Variants in CYTH3 observed in about 807,000 individuals in gnomAD.
CYTH3 encodes cytohesin 3.
Under a neutral mutation model 55.1 loss-of-function variants are expected in CYTH3, and 23 were observed. The ratio of observed to expected loss-of-function variants is 0.42; its 90% CI spans 0.30 to 0.59. The LOEUF is 0.59. Among genes scored for constraint, CYTH3 ranks in the 20% least tolerant of loss-of-function variants. The pLI, the probability that CYTH3 is intolerant of heterozygous loss-of-function variation, is 0.20. For synonymous variants in CYTH3, 249 were observed against 194.9 expected (o/e 1.28, Z -2.31); for missense variants, 413 against 524.8 (o/e 0.79, Z 2.08).
Position 6,171,144 on chromosome 7 carries a change from C to G in CYTH3, c.562+58G>C, listed in dbSNP as rs1583735231. 2.5e-6 allele frequency: 4 copies of G among 1,593,910 alleles called. No homozygotes were observed. The highest frequency in any genetic ancestry group is 3.4e-6 in the Non-Finnish European group (4 of 1,162,796). ...CTGGGCTGTGCCCACAGGGGCCGCC[C>G]CCTCCAGAGCTGGAGGCTGTGCCTG... On this transcript the variant is annotated intron_variant, in intron 7 of 12. Coordinates refer to ENST00000350796, the MANE Select transcript of CYTH3 (RefSeq NM_004227.4). This position sits in a 1 kb window ranked among gnomAD's most constrained non-coding sequence, Gnocchi z 6.7.
At chr7:6,202,349 G>A (rs1784075352) in intron 1 of CYTH3, among the ~76,000 whole-genome samples, 1 of 152,200 alleles carries the variant, frequency 6.6e-6, no homozygotes, top group African/African-American at 2.4e-5. Flanking sequence ...TCAGCCCCCG[G>A]CTGGCCTTCC....
chr7:6,166,606 G>A (rs543368712), intron 9 of CYTH3, among the ~76,000 whole-genome samples: 6 of 152,300 alleles, frequency 3.9e-5, no homozygotes, highest in East Asian at 1.9e-4. Flanking sequence ...GACTGTGTGC[G>A]AAGGGCTCTG....
rs550449668 is a variant in CYTH3, at chr7:6,186,767, C to T, written c.249+283G>A. Among the ~76,000 whole-genome samples the T allele has an allele frequency of 4.6e-5, 7 of 152,308 alleles. No individual in the cohort carries two copies. The South Asian group carries it at 6.2e-4, about 14-fold the overall frequency. On this transcript the variant is annotated intron_variant, in intron 4 of 12. Coordinates refer to ENST00000350796, the MANE Select transcript of CYTH3 (RefSeq NM_004227.4). ...CAAGGGCACTGCCTGGAGCCAAGCC[C>T]GGCCTGTGCTGAGTCGTCCAAGCCG...
rs1783036576 is a variant in CYTH3 at position 6,167,250 on chromosome 7, G to A, written c.824-1440C>T. On this transcript the variant is annotated intron_variant, in intron 9 of 12. Coordinates refer to ENST00000350796, the MANE Select transcript of CYTH3 (RefSeq NM_004227.4). The surrounding 1 kb of genome is among the most constrained non-coding windows in gnomAD (Gnocchi z 5.5). ...CACCTCCACTGCAGCACACCAGGGA[G>A]GCCCAAGTCCACAGGGGAGGGCAGG... Among the ~76,000 whole-genome samples the A allele has an allele frequency of 6.6e-6, 1 of 152,160 alleles. No homozygotes were observed. The highest frequency in any genetic ancestry group is 2.1e-4 in the South Asian group (1 of 4,826).
chr7:6,272,188 C>A (rs1780680873), intron 1 of CYTH3, among the ~76,000 whole-genome samples: 1 of 152,126 alleles, frequency 6.6e-6, no homozygotes, highest in Non-Finnish European at 1.5e-5. Flanking sequence ...GACACCCAAA[C>A]CCCGGCCCGA....
chr7:6,223,542 C>T (rs190086256), intron 1 of CYTH3, among the ~76,000 whole-genome samples: 10 of 152,222 alleles, frequency 6.6e-5, no homozygotes, highest in Non-Finnish European at 1.3e-4. Flanking sequence ...CCCCCAACCC[C>T]GTGCTCTCTG....
chr7:6,267,060 T>G (rs768396781), intron 1 of CYTH3, among the ~76,000 whole-genome samples: 12 of 152,252 alleles, frequency 7.9e-5, no homozygotes, highest in Non-Finnish European at 1.5e-4. Context: ...TGAGATCTGG[T>G]CGTTTAAGGG....
intron 1 of CYTH3, among the ~76,000 whole-genome samples, chr7:6,215,461 G>A (rs569756086): frequency 6.6e-6 from 1 of 152,092 alleles, no homozygotes; most frequent in Non-Finnish European, 1.5e-5. Flanking sequence ...GTGGTGGTGG[G>A]CACCTGTAGT....
intron 1 of CYTH3, among the ~76,000 whole-genome samples, chr7:6,257,165 CT>C (rs1455423048): frequency 6.6e-6 from 1 of 152,116 alleles, no homozygotes; most frequent in Non-Finnish European, 1.5e-5. Context: ...GTGTCATGCT[CT>C]CAGAAGTGTG....
chr7:6,190,887 G>T (rs1236711285), intron 1 of CYTH3, among the ~76,000 whole-genome samples: 1 of 150,574 alleles, frequency 6.6e-6, no homozygotes, highest in Non-Finnish European at 1.5e-5. Flanking sequence ...GACCAGCCTG[G>T]CCAACACGGT....
intron 1 of CYTH3, among the ~76,000 whole-genome samples, chr7:6,253,626 G>C (rs1780028506): frequency 6.6e-6 from 1 of 151,898 alleles, no homozygotes; most frequent in Admixed American, 6.6e-5. Flanking sequence ...GACCAGCCTG[G>C]CCAATTTGAT....
chr7:6,180,135 G>T (rs1177881562), intron 4 of CYTH3, among the ~76,000 whole-genome samples: 1 of 152,174 alleles, frequency 6.6e-6, no homozygotes, highest in Non-Finnish European at 1.5e-5. Context: ...CACCCTGAGG[G>T]ATCACTAGTT....
At chr7:6,187,207 C>A in intron 3 of CYTH3, 91 bp from the exon 4 acceptor site, 1 of 1,397,656 alleles carries the variant, frequency 7.2e-7, no homozygotes, top group South Asian at 1.2e-5. Flanking sequence ...CCCGCAACAA[C>A]GGGCTCAAGG....
intron 1 of CYTH3, among the ~76,000 whole-genome samples, chr7:6,245,386 A>T (rs1779783256): frequency 6.6e-6 from 1 of 152,068 alleles, no homozygotes; most frequent in Admixed American, 6.6e-5. Flanking sequence ...AGGCCCCACA[A>T]ATTCTGGCTC....
At chr7:6,259,195 GA>G (rs924997853) in intron 1 of CYTH3, among the ~76,000 whole-genome samples, 6 of 152,166 alleles carry the variant, frequency 3.9e-5, no homozygotes, top group African/African-American at 1.2e-4. Flanking sequence ...AAACTTGGGG[GA>G]AAAAAATCAC....
intron 4 of CYTH3, among the ~76,000 whole-genome samples, chr7:6,183,313 G>T (rs1296659717): frequency 6.6e-6 from 1 of 152,210 alleles, no homozygotes; most frequent in Non-Finnish European, 1.5e-5. Flanking sequence ...TTCTCCAGCT[G>T]ATCCCATTTA....
intron 4 of CYTH3, among the ~76,000 whole-genome samples, chr7:6,182,298 C>A (rs572152648): frequency 2.6e-5 from 4 of 152,332 alleles, no homozygotes; most frequent in African/African-American, 9.6e-5. Flanking sequence ...AATCCACCCA[C>A]CCCGGCCTCC....
chr7:6,173,808 A>T (rs1783264414), intron 5 of CYTH3, 75 bp from the exon 6 acceptor site: 1 of 886,380 alleles, frequency 1.1e-6, no homozygotes, highest in Admixed American at 1.8e-5. Flanking sequence ...GCTGATGAAT[A>T]ATGTGGCTAT....
At chr7:6,211,598 C>G (rs891543358) in intron 1 of CYTH3, among the ~76,000 whole-genome samples, 3 of 152,194 alleles carry the variant, frequency 2.0e-5, no homozygotes, top group African/African-American at 7.2e-5. Flanking sequence ...TCCCAAAGTG[C>G]TGGGATTACA....
Sources: allele counts gnomAD v4.1 joint callset (sites outside exome capture counted in the v4.1 genomes callset), GRCh38; gene constraint gnomAD v4.1.1; non-coding constraint Gnocchi (gnomAD v3.1); transcripts MANE v1.5; gene names NCBI Gene and HGNC (gene_info 2026-07-23, HGNC 2026-07-21).